Variants in STPG4 observed in about 807,000 individuals in gnomAD.
STPG4 encodes the protein sperm-tail PG-rich repeat containing 4.
STPG4 carries 41 observed loss-of-function variants against 31.5 expected under a neutral mutation model. That is an observed-to-expected ratio of 1.30 (90% CI 1.01 to 1.69). The LOEUF (loss-of-function observed/expected upper bound fraction) is 1.69, where lower values mean the gene tolerates loss of function less well. STPG4 is among the 40% of genes most tolerant of loss of function. STPG4 has a pLI of 0.00. For missense variants in STPG4, 375 were observed against 293.4 expected (o/e 1.28, Z -2.03); for synonymous variants, 141 against 103.0 (o/e 1.37, Z -2.24).
intron 6 of STPG4, among the ~76,000 whole-genome samples, chr2:47,089,392 G>A (rs972266361): frequency 6.6e-6 from 1 of 152,206 alleles, no homozygotes; most frequent in African/African-American, 2.4e-5. Flanking sequence ...CATGGCCTGG[G>A]ATATAGGCTA....
At chr2:47,112,770 T>C (rs760669749) in intron 5 of STPG4, among the ~76,000 whole-genome samples, 52 of 152,156 alleles carry the variant, frequency 3.4e-4, no homozygotes, top group Middle Eastern at 3.4e-3. Context: ...TTCAGAAGAA[T>C]TAGAGAATTA....
chr2:47,150,035 T>C (rs564510696), intron 3 of STPG4, among the ~76,000 whole-genome samples: 1 of 152,330 alleles, frequency 6.6e-6, no homozygotes, highest in South Asian at 2.1e-4. Context: ...ACTTAAGTAT[T>C]AGCAATGTGC....
chr2:47,122,282 A>G (rs1472526039), intron 5 of STPG4, among the ~76,000 whole-genome samples: 1 of 152,042 alleles, frequency 6.6e-6, no homozygotes, highest in Non-Finnish European at 1.5e-5. Flanking sequence ...CCTAGTCTAC[A>G]TTTGCCTGTT....
At chr2:47,143,797 T>C (rs1686764602) in intron 3 of STPG4, among the ~76,000 whole-genome samples, 1 of 152,174 alleles carries the variant, frequency 6.6e-6, no homozygotes, top group Non-Finnish European at 1.5e-5. Context: ...CACCCTTTGC[T>C]CATTTTTAAC....
At chr2:47,101,426 A>G (rs1158529398) in intron 5 of STPG4, among the ~76,000 whole-genome samples, 2 of 151,394 alleles carry the variant, frequency 1.3e-5, no homozygotes, top group Non-Finnish European at 2.9e-5. Context: ...CCCAAGCGAG[A>G]CTCACCCATC....
At chr2:47,095,269 G>A (rs1685646740) in intron 5 of STPG4, among the ~76,000 whole-genome samples, 1 of 152,196 alleles carries the variant, frequency 6.6e-6, no homozygotes, top group Non-Finnish European at 1.5e-5. Flanking sequence ...CAGTCATTAG[G>A]GTGGGGCCTC....
At chr2:47,132,262 C>T (rs1365014699) in intron 3 of STPG4, among the ~76,000 whole-genome samples, 4 of 151,922 alleles carry the variant, frequency 2.6e-5, no homozygotes, top group African/African-American at 9.7e-5. Context: ...ACATCCAGAG[C>T]TGGCAGGGAG....
intron 3 of STPG4, among the ~76,000 whole-genome samples, chr2:47,134,198 C>T (rs1558684563): frequency 6.6e-6 from 1 of 152,302 alleles, no homozygotes; most frequent in East Asian, 1.9e-4. Context: ...GACGAACCTA[C>T]ACTGGCACAT....
At chr2:47,099,115 C>T (rs1043930319) in intron 5 of STPG4, among the ~76,000 whole-genome samples, 3 of 152,154 alleles carry the variant, frequency 2.0e-5, no homozygotes, top group Non-Finnish European at 4.4e-5. Flanking sequence ...GGGGCAACAC[C>T]AAGTGATCAC....
At chr2:47,112,858 A>C (rs1686069739) in intron 5 of STPG4, among the ~76,000 whole-genome samples, 1 of 152,160 alleles carries the variant, frequency 6.6e-6, no homozygotes, top group South Asian at 2.1e-4. Flanking sequence ...TTATCCAGGC[A>C]TGATGACACA....
At chr2:47,102,202 A>G (rs1276918462) in intron 5 of STPG4, among the ~76,000 whole-genome samples, 1 of 140,506 alleles carries the variant, frequency 7.1e-6, no homozygotes, top group Non-Finnish European at 1.6e-5. Context: ...CAGTGAGCGC[A>G]ACTATTCCAA....
intron 5 of STPG4, among the ~76,000 whole-genome samples, chr2:47,119,357 G>A (rs1686220320): frequency 6.6e-6 from 1 of 152,218 alleles, no homozygotes. Flanking sequence ...GGTGATATCA[G>A]TAAAAGTGGC....
chr2:47,141,738 T>C (rs550093586), intron 3 of STPG4, among the ~76,000 whole-genome samples: 28 of 152,134 alleles, frequency 1.8e-4, no homozygotes, highest in African/African-American at 5.3e-4. Flanking sequence ...TATAGCTATA[T>C]AGTAGTGCAA....
intron 5 of STPG4, among the ~76,000 whole-genome samples, chr2:47,124,637 T>C (rs746798186): frequency 6.6e-6 from 1 of 152,232 alleles, no homozygotes; most frequent in Non-Finnish European, 1.5e-5. Flanking sequence ...AGTACTTTGT[T>C]GTGTATATGT....
intron 5 of STPG4, among the ~76,000 whole-genome samples, chr2:47,102,932 A>G (rs145908302): frequency 0.056 from 8,475 of 151,930 alleles, 438 homozygotes; most frequent in African/African-American, 0.11. Context: ...CTTTGACCTC[A>G]CTTGGAGAGA....
At chr2:47,105,045 G>T (rs947383735) in intron 5 of STPG4, among the ~76,000 whole-genome samples, 7 of 151,920 alleles carry the variant, frequency 4.6e-5, no homozygotes, top group African/African-American at 7.3e-5. Context: ...AAACCCAGAG[G>T]GCAAATGCTC....
At chr2:47,128,953 C>T (rs1425538805) in intron 5 of STPG4, 1 of 152,330 alleles carries the variant, frequency 6.6e-6, no homozygotes, top group African/African-American at 2.4e-5. Context: ...CTGGCCACTG[C>T]TGGTGTTTAT....
intron 5 of STPG4, among the ~76,000 whole-genome samples, chr2:47,095,000 C>G (rs1685641677): frequency 6.6e-6 from 1 of 152,206 alleles, no homozygotes; most frequent in African/African-American, 2.4e-5. Context: ...GTGTATCACT[C>G]TGGGGCAGCC....
intron 5 of STPG4, among the ~76,000 whole-genome samples, chr2:47,124,508 A>G (rs1187492085): frequency 1.3e-5 from 2 of 152,202 alleles, no homozygotes; most frequent in African/African-American, 4.8e-5. Context: ...TCCTACAAAT[A>G]CATGAGAACA....
Sources: gnomAD v4.1 joint callset for allele counts (sites outside exome capture counted in the v4.1 genomes callset) on GRCh38, gnomAD v4.1.1 for gene constraint, MANE v1.5 for transcripts, NCBI Gene and HGNC (gene_info 2026-07-23, HGNC 2026-07-21) for gene names.